The following DLG1 variants were observed in gnomAD, a reference collection of about 807,000 sequenced individuals.
DLG1 encodes disks large homolog 1.
DLG1 carries 42 observed loss-of-function variants against 123.4 expected under a neutral mutation model. The ratio of observed to expected loss-of-function variants is 0.34; its 90% confidence interval spans 0.27 to 0.44. DLG1 has a LOEUF of 0.44. Among genes scored for constraint, DLG1 ranks in the 20% least tolerant of loss-of-function variants. The probability of loss-of-function intolerance (pLI) is 1.00; values close to 1 mark genes in which losing one functional copy is unlikely to be tolerated. For missense variants in DLG1, 942 were observed against 1,082.6 expected (o/e 0.87, Z 1.82); for synonymous variants, 317 against 356.2 (o/e 0.89, Z 1.24).
chr3:197,065,646 C>A, intron 21 of DLG1, 62 bp downstream of exon 21: 1 of 1,263,732 alleles, frequency 7.9e-7, no homozygotes, highest in Non-Finnish European at 1.1e-6. Context: ...TCTATTTTTC[C>A]CACACACAGT....
chr3:197,081,909 T>C (rs1271078596), intron 16 of DLG1, among the ~76,000 whole-genome samples: 2 of 152,234 alleles, frequency 1.3e-5, no homozygotes, highest in African/African-American at 4.8e-5. Context: ...CAAAATGTCA[T>C]GTAAATTAAG....
intron 5 of DLG1, among the ~76,000 whole-genome samples, chr3:197,151,562 T>C (rs1793863666): frequency 6.6e-6 from 1 of 152,100 alleles, no homozygotes; most frequent in South Asian, 2.1e-4. Context: ...AGTACACGAG[T>C]TGATTGCTGC....
intron 4 of DLG1, among the ~76,000 whole-genome samples, chr3:197,200,950 C>T (rs73086578): frequency 0.011 from 1,632 of 152,300 alleles, 32 homozygotes; most frequent in African/African-American, 0.037. Context: ...ACTTTCACCA[C>T]TCTTATTCAA....
chr3:197,269,531 CAAGA>C (rs2151028376), intron 4 of DLG1, among the ~76,000 whole-genome samples: 1 of 152,216 alleles, frequency 6.6e-6, no homozygotes, highest in Non-Finnish European at 1.5e-5. Context: ...GTCCAATTGC[CAAGA>C]AAGTTACTAA....
intron 5 of DLG1, among the ~76,000 whole-genome samples, chr3:197,153,150 G>C (rs1169354609): frequency 2.0e-5 from 3 of 152,144 alleles, no homozygotes. Flanking sequence ...ATTCTTCTTA[G>C]ATCCTAATTT....
chr3:197,051,700 C>T, intron 23 of DLG1, 32 bp from the exon 24 acceptor site: 2 of 1,496,186 alleles, frequency 1.3e-6, no homozygotes, highest in South Asian at 1.1e-5. Flanking sequence ...TTGATAATTA[C>T]CAAATTATAA....
At chr3:197,207,029 A>G (rs1728885033) in intron 4 of DLG1, among the ~76,000 whole-genome samples, 1 of 152,170 alleles carries the variant, frequency 6.6e-6, no homozygotes, top group South Asian at 2.1e-4. Context: ...ACACAGCCAC[A>G]CTCATTCTCA....
At chr3:197,290,162 GA>G (rs199693445) in intron 3 of DLG1, among the ~76,000 whole-genome samples, 9 of 148,508 alleles carry the variant, frequency 6.1e-5, no homozygotes, top group Admixed American at 1.3e-4. Context: ...ATAAGTCATT[GA>G]AAAAAAAACA....
intron 4 of DLG1, among the ~76,000 whole-genome samples, chr3:197,211,339 A>C (rs1253209707): frequency 6.8e-6 from 1 of 146,472 alleles, no homozygotes; most frequent in East Asian, 2.0e-4. Context: ...GACACAACAA[A>C]AAAAGAAAAC....
At chr3:197,071,968 A>G (rs554672512) in intron 18 of DLG1, among the ~76,000 whole-genome samples, 1 of 152,246 alleles carries the variant, frequency 6.6e-6, no homozygotes, top group Non-Finnish European at 1.5e-5. Context: ...TGCTTACCAC[A>G]AGACATGTAT....
At chr3:197,069,363 AT>A in intron 18 of DLG1, 103 bp from the exon 19 acceptor site, 2 of 664,558 alleles carry the variant, frequency 3.0e-6, no homozygotes, top group Non-Finnish European at 4.7e-6. Context: ...TAACAAAATA[AT>A]TTTTTAAAAG....
intron 4 of DLG1, among the ~76,000 whole-genome samples, chr3:197,269,858 C>T (rs143687514): frequency 7.9e-5 from 12 of 151,970 alleles, no homozygotes; most frequent in East Asian, 5.8e-4. Flanking sequence ...CTGTGGAACA[C>T]GTGAGTTTAA....
intron 4 of DLG1, among the ~76,000 whole-genome samples, chr3:197,244,683 G>A (rs1368141254): frequency 6.6e-6 from 1 of 151,824 alleles, no homozygotes; most frequent in Non-Finnish European, 1.5e-5. Context: ...TTTGACTGGG[G>A]TATGATGGGT....
At chr3:197,294,913 A>G (rs1560199097) in intron 3 of DLG1, among the ~76,000 whole-genome samples, 5 of 152,124 alleles carry the variant, frequency 3.3e-5, no homozygotes, top group South Asian at 2.1e-4. Flanking sequence ...ACATATATGT[A>G]TATATATATC....
At chr3:197,110,566 C>T (rs1378622511) in intron 13 of DLG1, among the ~76,000 whole-genome samples, 1 of 152,138 alleles carries the variant, frequency 6.6e-6, no homozygotes, top group African/African-American at 2.4e-5. Flanking sequence ...TTTCTTTCCG[C>T]TTGTCTCAAA....
chr3:197,126,455 G>A (rs527329869), intron 11 of DLG1, among the ~76,000 whole-genome samples: 20 of 150,684 alleles, frequency 1.3e-4, no homozygotes, highest in South Asian at 4.2e-4. Flanking sequence ...CAACAAGAGC[G>A]AAACTCCATC....
intron 1 of DLG1, chr3:197,297,439 A>G: frequency 2.9e-6 from 4 of 1,391,340 alleles, no homozygotes; most frequent in Non-Finnish European, 3.7e-6. Context: ...CCAAATTAAG[A>G]ACAGACAGAA....
intron 6 of DLG1, among the ~76,000 whole-genome samples, chr3:197,146,943 A>C (rs1791080344): frequency 6.6e-6 from 1 of 152,148 alleles, no homozygotes; most frequent in Admixed American, 6.5e-5. Context: ...CAAACAAACA[A>C]ATCAGCAAGA....
intron 4 of DLG1, among the ~76,000 whole-genome samples, chr3:197,247,683 C>G (rs1200293525): frequency 6.6e-6 from 1 of 152,128 alleles, no homozygotes; most frequent in Admixed American, 6.5e-5. Context: ...CTGTTGCTTT[C>G]TCTTATGTTT....
Sources: allele counts gnomAD v4.1 joint callset (sites outside exome capture counted in the v4.1 genomes callset), GRCh38; gene constraint gnomAD v4.1.1; transcripts MANE v1.5; gene names NCBI Gene and HGNC (gene_info 2026-07-23, HGNC 2026-07-21).